MTHFD1L: variants seen among roughly 807,000 people sequenced by gnomAD.
MTHFD1L encodes monofunctional C1-tetrahydrofolate synthase, mitochondrial.
MTHFD1L carries 81 observed loss-of-function variants against 119.5 expected under a neutral mutation model. The ratio of observed to expected loss-of-function variants is 0.68; its 90% CI spans 0.57 to 0.82. The LOEUF (loss-of-function observed/expected upper bound fraction) is 0.82, where lower values mean the gene tolerates loss of function less well. MTHFD1L is among the 40% of genes least tolerant of loss of function. MTHFD1L has a pLI of 0.00. For missense variants in MTHFD1L, 1,125 were observed against 1,253.4 expected (o/e 0.90, Z 1.55); for synonymous variants, 430 against 475.2 (o/e 0.90, Z 1.24).
chr6:151,032,155 A>G (rs1482048624), intron 24 of MTHFD1L, among the ~76,000 whole-genome samples: 2 of 152,150 alleles, frequency 1.3e-5, no homozygotes, highest in African/African-American at 4.8e-5. Context: ...TTATGCCATT[A>G]CCCTGTGTTA....
chr6:151,044,141 G>T (rs553121180), intron 26 of MTHFD1L, among the ~76,000 whole-genome samples: 1 of 152,040 alleles, frequency 6.6e-6, no homozygotes, highest in Non-Finnish European at 1.5e-5. Flanking sequence ...CGGAGGAAAG[G>T]GATACACTGT....
intron 17 of MTHFD1L, 80 bp from the exon 18 acceptor site, chr6:150,960,195 G>A (rs2128996927): frequency 6.6e-7 from 1 of 1,510,850 alleles, no homozygotes; most frequent in East Asian, 2.3e-5. Flanking sequence ...GTTGCTTCAT[G>A]GCTGAAGTCC....
At chr6:151,068,029 A>G (rs533290968) in intron 26 of MTHFD1L, among the ~76,000 whole-genome samples, 5 of 152,242 alleles carry the variant, frequency 3.3e-5, no homozygotes, top group Non-Finnish European at 5.9e-5. Flanking sequence ...TGAATAACAG[A>G]TTTATTCTCG....
intron 26 of MTHFD1L, among the ~76,000 whole-genome samples, chr6:151,065,734 C>T (rs912236974): frequency 1.1e-4 from 16 of 152,238 alleles, no homozygotes; most frequent in African/African-American, 3.9e-4. Flanking sequence ...CCACTGTGCC[C>T]AGCCAGGGTG....
At chr6:150,992,596 G>T (rs1779198461) in intron 20 of MTHFD1L, among the ~76,000 whole-genome samples, 1 of 152,226 alleles carries the variant, frequency 6.6e-6, no homozygotes, top group Non-Finnish European at 1.5e-5. Context: ...TAGGAGAGAG[G>T]TTGAGGCCAG....
At chr6:151,050,120 C>T (rs1488261174) in intron 26 of MTHFD1L, among the ~76,000 whole-genome samples, 2 of 136,488 alleles carry the variant, frequency 1.5e-5, no homozygotes, top group African/African-American at 2.7e-5. Context: ...CCCCATACCT[C>T]GCCCTACACA....
At chr6:151,098,843 C>G (rs959634909) in intron 27 of MTHFD1L, among the ~76,000 whole-genome samples, 1 of 152,108 alleles carries the variant, frequency 6.6e-6, no homozygotes, top group Admixed American at 6.5e-5. Context: ...TATAATGAGA[C>G]TTTCTATACT....
At chr6:150,920,939 ATTTTTTTTTTTTT>A (rs869169480) in intron 9 of MTHFD1L, among the ~76,000 whole-genome samples, 1 of 96,874 alleles carries the variant, frequency 1.0e-5, no homozygotes, top group African/African-American at 4.1e-5. Context: ...CACCCAGATA[ATTTTTTTTTTTTT>A]TTTTTTTTTT....
At chr6:151,001,240 C>T (rs771136937) in intron 20 of MTHFD1L, among the ~76,000 whole-genome samples, 6 of 152,078 alleles carry the variant, frequency 3.9e-5, no homozygotes, top group Admixed American at 6.6e-5. Context: ...CCATGAAATC[C>T]GACAGTTCTA....
chr6:151,053,813 T>C (rs1052555535), intron 26 of MTHFD1L, among the ~76,000 whole-genome samples: 1 of 151,240 alleles, frequency 6.6e-6, no homozygotes, highest in Non-Finnish European at 1.5e-5. Flanking sequence ...TGAGCCGAGA[T>C]TGTGGCACTG....
Position 150,882,305 on chromosome 6 carries a change from A to G in MTHFD1L, c.418-457A>G, listed in dbSNP as rs138259276. Among the ~76,000 whole-genome samples the G allele has an allele frequency of 1.3e-3, 193 of 152,342 alleles. 1 individual carries two copies. The highest frequency in any genetic ancestry group is 4.3e-3 in the African/African-American group (179 of 41,582). On this transcript the variant is annotated intron_variant, in intron 4 of 27. Transcript: ENST00000367321. ...CGTCATGATTAGTGAGCTGTGTTGA[A>G]CACATTGTGTTTGAAACGCACAGGC...
chr6:150,976,801 T>G (rs1274970101), intron 20 of MTHFD1L, among the ~76,000 whole-genome samples: 2 of 147,390 alleles, frequency 1.4e-5, no homozygotes, highest in Non-Finnish European at 3.0e-5. Context: ...TAAAGACTGA[T>G]AAGAGAAAGA....
intron 20 of MTHFD1L, among the ~76,000 whole-genome samples, chr6:150,988,604 TTG>T (rs1491454702): frequency 1.9e-4 from 22 of 117,000 alleles, no homozygotes; most frequent in East Asian, 1.5e-3. Flanking sequence ...CTTTCTTTTT[TTG>T]TGGGGGGGGC....
At chr6:150,927,230 T>C (rs1353649063) in intron 11 of MTHFD1L, among the ~76,000 whole-genome samples, 1 of 152,142 alleles carries the variant, frequency 6.6e-6, no homozygotes, top group Non-Finnish European at 1.5e-5. Flanking sequence ...AGTGAAAAAG[T>C]AAAACATCCC....
rs993704731 is a variant in MTHFD1L, at chr6:150,964,972, G to A, written c.1948G>A (p.Val650Met). The A allele has an allele frequency of 1.2e-6, 2 of 1,613,768 alleles. No individual in the cohort carries two copies. Among genetic ancestry groups the A allele is most frequent in the Non-Finnish European group, 1.7e-6 (2 of 1,179,694 alleles). ...AATGTTTTTCTCTCTCCTGTAGGGG[G>A]TGACAGGTGCTTTGACAGTTTTGAT... is the stretch of plus-strand genomic sequence containing the variant. ...GQPVTADDLG[V>M]TGALTVLMKD... The change falls in exon 19 of 28, where the codon GTG (valine) becomes ATG (methionine). Residue 650 changes from valine (V) to methionine (M), a missense_variant. Transcript: ENST00000367321.
At chr6:151,079,781 G>A (rs933458506) in intron 26 of MTHFD1L, among the ~76,000 whole-genome samples, 1 of 151,578 alleles carries the variant, frequency 6.6e-6, no homozygotes, top group African/African-American at 2.4e-5. Flanking sequence ...GAGCCACTTC[G>A]CCTGGCCATG....
At chr6:151,099,481 C>T (rs1240496731) in intron 27 of MTHFD1L, 13 of 1,223,932 alleles carry the variant, frequency 1.1e-5, no homozygotes, top group African/African-American at 1.5e-5. Context: ...TTCTCTCTTC[C>T]TCGGCGCTGC....
In MTHFD1L at chr6:150,936,877, C is replaced by T. The variant is rs1792161508; in HGVS notation, c.1330C>T (p.Leu444=). Reference sequence around the variant, plus strand: ...GCTTGTGCAGGCTCTGACCGCACACCTGAATGTCAACTCCTTTGCCTGCTT... The same window carrying T: ...GCTTGTGCAGGCTCTGACCGCACACTTGAATGTCAACTCCTTTGCCTGCTT... The part of the protein sequence containing the change: ...IGLVQALTAH[L]NVNSFACLRQ... The change falls in exon 12 of 28, where the codon CTG becomes TTG. Residue 444 remains leucine (L), a synonymous_variant. Transcript: ENST00000367321. The T allele has an allele frequency of 6.2e-7, 1 of 1,614,046 alleles. No homozygotes were observed. The highest frequency in any genetic ancestry group is 8.5e-7 in the Non-Finnish European group (1 of 1,180,022).
At chr6:151,075,461 T>C (rs563652578) in intron 26 of MTHFD1L, among the ~76,000 whole-genome samples, 13 of 152,188 alleles carry the variant, frequency 8.5e-5, no homozygotes, top group Non-Finnish European at 1.6e-4. Flanking sequence ...TCTAAGTGTT[T>C]AAGCATATAA....
Sources: gnomAD v4.1 joint callset for allele counts (sites outside exome capture counted in the v4.1 genomes callset) on GRCh38, gnomAD v4.1.1 for gene constraint, MANE v1.5 for transcripts, NCBI Gene and HGNC (gene_info 2026-07-23, HGNC 2026-07-21) for gene names.